CSGALNACT1: variants seen among roughly 807,000 people sequenced by gnomAD.
CSGALNACT1 encodes chondroitin sulfate N-acetylgalactosaminyltransferase 1.
A neutral mutation model predicts 51.0 loss-of-function variants in CSGALNACT1; 52 were observed. The observed-to-expected ratio is 1.02, with a 90% CI of 0.82 to 1.29. The LOEUF (loss-of-function observed/expected upper bound fraction) is 1.29. CSGALNACT1 is among the 50% of genes most tolerant of loss of function. The pLI is 0.00. For missense variants in CSGALNACT1, 935 were observed against 679.2 expected, an observed-to-expected ratio of 1.38 and a Z score of -4.19; for synonymous variants, 341 against 254.4, an observed-to-expected ratio of 1.34 and a Z score of -3.24.
intron 3 of CSGALNACT1, among the ~76,000 whole-genome samples, chr8:19,575,247 C>A (rs1437600179): frequency 6.6e-6 from 1 of 152,282 alleles, no homozygotes; most frequent in East Asian, 1.9e-4. Flanking sequence ...CCAATAATTG[C>A]TACCACTAGC....
chr8:19,533,958 GGCAT>G (rs2083272336), intron 3 of CSGALNACT1, among the ~76,000 whole-genome samples: 2 of 151,896 alleles, frequency 1.3e-5, no homozygotes, highest in Admixed American at 1.3e-4. Flanking sequence ...CAGATTTTTT[GGCAT>G]GTCTCTCCCT....
chr8:19,612,230 C>A (rs988547748), intron 1 of CSGALNACT1, among the ~76,000 whole-genome samples: 5 of 152,044 alleles, frequency 3.3e-5, no homozygotes, highest in Non-Finnish European at 5.9e-5. Context: ...GTAATTCTAG[C>A]TACTCAGGTG....
In CSGALNACT1 at chr8:19,505,606, G is replaced by A. The variant is rs147694380; in HGVS notation, c.229C>T (p.Arg77Trp). 2.5e-6 allele frequency: 4 copies of A among 1,614,050 alleles called. No individual in the cohort carries two copies. In the South Asian group the frequency reaches 3.3e-5, roughly 13 times the overall value. ...TCCTCCTTGAGCTGTGCGATCTGCC[G>A]CTTCAGGCTGCTCACGTAGTTGCGG... Residue 77 changes from arginine to tryptophan, a missense_variant, in exon 4 of 10, where the codon CGG becomes TGG. Arg to Trp is a moderately radical substitution (Grantham distance 101). Coordinates refer to ENST00000454498, the Ensembl canonical transcript of CSGALNACT1.
At chr8:19,603,270 C>G (rs1215211907), upstream of CSGALNACT1, among the ~76,000 whole-genome samples, 1 of 152,202 alleles carries the variant, frequency 6.6e-6, no homozygotes, top group Non-Finnish European at 1.5e-5. Context: ...TTTTCTCTGA[C>G]TCACTGACAT....
chr8:19,458,497 G>C, exon 5 of CSGALNACT1: 5 of 1,614,174 alleles, frequency 3.1e-6, no homozygotes, highest in African/African-American at 1.3e-5. Flanking sequence ...TGATAAGCGT[G>C]TTGGCCATGT....
chr8:19,720,456 A>G (rs2063059809), intron 1 of CSGALNACT1, among the ~76,000 whole-genome samples: 1 of 152,186 alleles, frequency 6.6e-6, no homozygotes, highest in Admixed American at 6.5e-5. Flanking sequence ...AGCTAAAAGC[A>G]TTTAAATTGG....
At chr8:19,431,973 G>C (rs2059715341) in intron 6 of CSGALNACT1, among the ~76,000 whole-genome samples, 1 of 151,688 alleles carries the variant, frequency 6.6e-6, no homozygotes, top group East Asian at 1.9e-4. Context: ...TTTCTATGAA[G>C]CTGTCTTTTA....
At chr8:19,604,624 G>A (rs2051092136), upstream of CSGALNACT1, among the ~76,000 whole-genome samples, 1 of 151,878 alleles carries the variant, frequency 6.6e-6, no homozygotes, top group Non-Finnish European at 1.5e-5. Context: ...TAAGTATGGG[G>A]CGGCCAGGTA....
intron 8 of CSGALNACT1, among the ~76,000 whole-genome samples, chr8:19,408,958 A>ACACACACACACACG (rs1284813813): frequency 6.6e-6 from 1 of 151,620 alleles, no homozygotes; most frequent in African/African-American, 2.4e-5. Flanking sequence ...AAACACACAC[A>ACACACACACACACG]CACACACACA....
chr8:19,406,247 A>G (rs1296878846), intron 9 of CSGALNACT1, among the ~76,000 whole-genome samples, 178 bp from the exon 9 acceptor site: 1 of 152,050 alleles, frequency 6.6e-6, no homozygotes. Flanking sequence ...TTCCCCAACA[A>G]AGACGACTTT....
chr8:19,636,735 T>C (rs2056117072), intron 1 of CSGALNACT1, among the ~76,000 whole-genome samples: 1 of 152,218 alleles, frequency 6.6e-6, no homozygotes, highest in East Asian at 1.9e-4. Flanking sequence ...ATTCAATCAA[T>C]AGGAATAACT....
At chr8:19,432,738 G>A (rs2059825419) in intron 6 of CSGALNACT1, among the ~76,000 whole-genome samples, 1 of 151,734 alleles carries the variant, frequency 6.6e-6, no homozygotes, top group Non-Finnish European at 1.5e-5. Context: ...TTTCGTTTTT[G>A]TTATTGTAGT....
intron 1 of CSGALNACT1, among the ~76,000 whole-genome samples, chr8:19,674,870 G>T (rs1478352167): frequency 6.6e-6 from 1 of 152,164 alleles, no homozygotes; most frequent in Non-Finnish European, 1.5e-5. Flanking sequence ...TTAGATTTGG[G>T]TATGAGAGAA....
intron 4 of CSGALNACT1, among the ~76,000 whole-genome samples, chr8:19,477,288 G>C (rs1039974181): frequency 3.9e-5 from 6 of 152,230 alleles, no homozygotes; most frequent in African/African-American, 1.2e-4. Context: ...GGGGTTCCCT[G>C]TGTAGGACAA....
At chr8:19,436,483 G>A (rs1324880766) in intron 6 of CSGALNACT1, among the ~76,000 whole-genome samples, 3 of 152,080 alleles carry the variant, frequency 2.0e-5, no homozygotes. Flanking sequence ...ATCAGGTAAT[G>A]AATATTAAAT....
intron 5 of CSGALNACT1, among the ~76,000 whole-genome samples, chr8:19,446,600 A>T (rs868259835): frequency 6.6e-6 from 1 of 151,914 alleles, no homozygotes; most frequent in East Asian, 1.9e-4. Flanking sequence ...CAAAGCATCA[A>T]CCTCCCAGGT....
intron 1 of CSGALNACT1, among the ~76,000 whole-genome samples, chr8:19,691,994 T>C (rs55930732): frequency 0.15 from 23,511 of 152,098 alleles, 2,109 homozygotes; most frequent in East Asian, 0.41. Context: ...TGAGGAAGCT[T>C]AGAATCATGG....
chr8:19,472,899 A>G (rs1293725803), intron 4 of CSGALNACT1, among the ~76,000 whole-genome samples: 1 of 152,242 alleles, frequency 6.6e-6, no homozygotes, highest in Non-Finnish European at 1.5e-5. Flanking sequence ...AAGATTAAAT[A>G]AATATATGTA....
intron 2 of CSGALNACT1, among the ~76,000 whole-genome samples, chr8:19,599,209 G>C (rs2049684226): frequency 6.6e-6 from 1 of 151,996 alleles, no homozygotes; most frequent in South Asian, 2.1e-4. Context: ...AGCATGGAGA[G>C]CCAACAGCAC....
Sources: gnomAD v4.1 joint callset for allele counts (sites outside exome capture counted in the v4.1 genomes callset) on GRCh38, gnomAD v4.1.1 for gene constraint, MANE v1.5 for transcripts, NCBI Gene and HGNC (gene_info 2026-07-23, HGNC 2026-07-21) for gene names.